Variants in NDRG3 observed in about 807,000 individuals in gnomAD.
NDRG3 encodes the protein protein NDRG3.
In NDRG3, 23 loss-of-function variants were observed where a neutral mutation model predicts 57.2. The observed-to-expected ratio is 0.40, with a 90% confidence interval of 0.29 to 0.57. The LOEUF is 0.57. Among genes scored for constraint, NDRG3 ranks in the 20% least tolerant of loss-of-function variants. NDRG3 has a pLI of 0.42. For synonymous variants in NDRG3, 132 were observed against 162.6 expected (o/e 0.81, Z 1.43); for missense variants, 384 against 457.3 (o/e 0.84, Z 1.46).
intron 12 of NDRG3, among the ~76,000 whole-genome samples, chr20:36,662,492 C>T (rs1015973042): frequency 2.0e-5 from 3 of 152,160 alleles, no homozygotes; most frequent in South Asian, 2.1e-4. Flanking sequence ...GGATTACGAG[C>T]GTGAGCCACA....
intron 8 of NDRG3, among the ~76,000 whole-genome samples, chr20:36,675,953 A>C (rs1328456411): frequency 6.6e-6 from 1 of 152,186 alleles, no homozygotes; most frequent in Non-Finnish European, 1.5e-5. Context: ...TTAAAATGAG[A>C]TTAACGGCTG....
At position 36,651,796 on chromosome 20, in the gene NDRG3, T is replaced by C. The variant is rs1293275374; in HGVS notation, c.*1724A>G. 1 of 152,200 alleles carries C rather than the reference T, an allele frequency of 6.6e-6. No individual in the cohort carries two copies. Among genetic ancestry groups the C allele is most frequent in the African/African-American group, 2.4e-5 (1 of 41,454 alleles). 9.4% of individuals were successfully genotyped at this position (152,200 alleles called of 1,614,324 possible). On this transcript the variant is annotated 3_prime_UTR_variant, in exon 16 of 16. Transcript: ENST00000349004. ...TAACAATGAGACATATGCAGCTTTA[T>C]TTAATAATCTGTAAAAAGTCATACT... is the stretch of plus-strand genomic sequence containing the variant.
chr20:36,683,058 C>T (rs1270773554), intron 6 of NDRG3, among the ~76,000 whole-genome samples: 16 of 151,654 alleles, frequency 1.1e-4, no homozygotes, highest in Non-Finnish European at 1.5e-4. Context: ...CTGGCTAACA[C>T]GGTGAAACCC....
intron 1 of NDRG3, among the ~76,000 whole-genome samples, chr20:36,728,196 G>A (rs1187207738): frequency 6.6e-6 from 1 of 151,962 alleles, no homozygotes; most frequent in Admixed American, 6.6e-5. Flanking sequence ...TGGGACTACA[G>A]GCACCTGCCA....
intron 3 of NDRG3, among the ~76,000 whole-genome samples, chr20:36,689,010 C>T (rs1428466574): frequency 6.6e-6 from 1 of 151,938 alleles, no homozygotes; most frequent in Non-Finnish European, 1.5e-5. Flanking sequence ...GCCTGGCCAA[C>T]ATGATGAAAC....
At chr20:36,733,001 G>A (rs774852361) in intron 1 of NDRG3, among the ~76,000 whole-genome samples, 29 of 151,146 alleles carry the variant, frequency 1.9e-4, no homozygotes, top group Non-Finnish European at 3.2e-4. Context: ...ACAAAAATTA[G>A]CCGGGTGTGA....
At chr20:36,670,943 T>A (rs1980097725) in intron 9 of NDRG3, among the ~76,000 whole-genome samples, 1 of 152,192 alleles carries the variant, frequency 6.6e-6, no homozygotes, top group Non-Finnish European at 1.5e-5. Context: ...TTGAAAAACA[T>A]GGGGCTTGAA....
At position 36,653,461 on chromosome 20, in the gene NDRG3, T is replaced by A. The variant is rs1600843678; in HGVS notation, c.*59A>T. The A allele has an allele frequency of 6.8e-7, 1 of 1,473,740 alleles. No individual in the cohort carries two copies. Among genetic ancestry groups the A allele is most frequent in the Non-Finnish European group, 9.3e-7 (1 of 1,071,718 alleles). The allele number at this position is 1,473,740 out of a possible 1,614,324, so 91.3% of individuals were successfully genotyped here. ...GGCCAGTTTACTGGATGAAATGTTA[T>A]ATTATGGAGTGGTCATTTGAAGGAT... On this transcript the variant is annotated 3_prime_UTR_variant, in exon 16 of 16. Transcript: ENST00000349004. The surrounding 1 kb of genome is among the most constrained non-coding windows in gnomAD (Gnocchi z 4.2).
chr20:36,680,970 A>C, intron 7 of NDRG3, 68 bp from the exon 8 acceptor site: 1 of 1,302,766 alleles, frequency 7.7e-7, no homozygotes, highest in Non-Finnish European at 1.1e-6. Flanking sequence ...CAGTTGGAAC[A>C]TGGTTGATCA....
At chr20:36,735,486 G>T (rs1208806498) in intron 1 of NDRG3, among the ~76,000 whole-genome samples, 1 of 152,214 alleles carries the variant, frequency 6.6e-6, no homozygotes, top group Non-Finnish European at 1.5e-5. Flanking sequence ...TGCTGCTTGA[G>T]TTATCATGTT....
intron 1 of NDRG3, among the ~76,000 whole-genome samples, chr20:36,741,833 ACT>A (rs1298810205): frequency 6.6e-6 from 1 of 152,192 alleles, no homozygotes; most frequent in East Asian, 1.9e-4. Context: ...TGAATCAGAA[ACT>A]CTGAAGGTCG....
chr20:36,670,981 AC>A (rs1248521692), intron 9 of NDRG3, among the ~76,000 whole-genome samples: 1 of 152,220 alleles, frequency 6.6e-6, no homozygotes, highest in African/African-American at 2.4e-5. Flanking sequence ...TTCTTTTAGC[AC>A]TATTATTTCA....
intron 8 of NDRG3, among the ~76,000 whole-genome samples, chr20:36,674,040 G>C (rs1470956199): frequency 3.3e-5 from 5 of 151,948 alleles, no homozygotes; most frequent in African/African-American, 1.2e-4. Context: ...GGAGATAGAG[G>C]TTGCAGTGAG....
intron 10 of NDRG3, 88 bp from the exon 11 acceptor site, chr20:36,665,389 C>T (rs1979538650): frequency 8.6e-7 from 1 of 1,159,640 alleles, no homozygotes; most frequent in Non-Finnish European, 1.3e-6. Context: ...CAAAATTTAT[C>T]AAGGAATGCG....
intron 2 of NDRG3, among the ~76,000 whole-genome samples, chr20:36,708,695 G>T (rs372288093): frequency 8.6e-5 from 13 of 151,962 alleles, no homozygotes; most frequent in African/African-American, 3.1e-4. Context: ...TAGTTCTTTG[G>T]GATCCCACCA....
At position 36,671,820 on chromosome 20, in the gene NDRG3, C is replaced by A. The variant is rs867477409; in HGVS notation, c.532-423G>T. On this transcript the variant is annotated intron_variant, in intron 8 of 15. Coordinates refer to ENST00000349004, the MANE Select transcript of NDRG3 (RefSeq NM_032013.4). ...CCGTCTCAAAAAAAAAAAAAAAAAA[C>A]CCCACAATTCAGTGTTATACATTTC... Among the ~76,000 whole-genome samples the A allele has an allele frequency of 4.4e-3, 645 of 145,910 alleles. 7 individuals carry two copies. The highest frequency in any genetic ancestry group is 0.015 in the African/African-American group (592 of 39,388).
intron 2 of NDRG3, among the ~76,000 whole-genome samples, chr20:36,708,133 G>C (rs756415678): frequency 1.3e-4 from 20 of 151,508 alleles, no homozygotes; most frequent in Non-Finnish European, 2.4e-4. Flanking sequence ...GGGAATAAAA[G>C]AAAACTTCTA....
At chr20:36,722,070 C>T (rs924582052) in intron 1 of NDRG3, among the ~76,000 whole-genome samples, 1 of 152,132 alleles carries the variant, frequency 6.6e-6, no homozygotes, top group South Asian at 2.1e-4. Context: ...ACATGAGTGA[C>T]TTTGCATGAT....
chr20:36,685,299 T>A (rs1434044552), intron 5 of NDRG3, among the ~76,000 whole-genome samples: 1 of 148,426 alleles, frequency 6.7e-6, no homozygotes, highest in African/African-American at 2.6e-5. Context: ...AATTTTATTA[T>A]TATTATTATT....
Sources: gnomAD v4.1 joint callset for allele counts (sites outside exome capture counted in the v4.1 genomes callset) on GRCh38, gnomAD v4.1.1 for gene constraint, Gnocchi (gnomAD v3.1) non-coding constraint, MANE v1.5 for transcripts, NCBI Gene and HGNC (gene_info 2026-07-23, HGNC 2026-07-21) for gene names.